Variants in ANK3 observed in about 807,000 individuals in gnomAD.
ANK3 encodes the protein ankyrin-3.
Under a neutral mutation model 370.9 loss-of-function variants are expected in ANK3, and 57 were observed. The observed-to-expected ratio is 0.15, with a 90% CI of 0.12 to 0.19. ANK3 has a LOEUF of 0.19. ANK3 is among the 10% of genes least tolerant of loss of function. The pLI is 1.00. For missense variants in ANK3, 4,439 were observed against 5,302.1 expected (o/e 0.84, Z 5.06); for synonymous variants, 1,929 against 1,946.3 (o/e 0.99, Z 0.23).
At chr10:60,110,986 C>G (rs1352530520) in intron 26 of ANK3, among the ~76,000 whole-genome samples, 1 of 152,096 alleles carries the variant, frequency 6.6e-6, no homozygotes, top group Non-Finnish European at 1.5e-5. Context: ...CACTGATTGA[C>G]CTGCAGAGCC....
chr10:60,072,610 G>A lies in ANK3; in HGVS notation c.8271C>T (p.Pro2757=), dbSNP rs750282724. ...PVKKIQESKL[P]VYQVFAREKQ... The stretch of plus-strand genomic sequence containing the variant: ...TTTCTCTAGCAAAAACTTGGTAGAC[G>A]GGTAGCTTGCTCTCCTGTATTTTTT... Residue 2757 remains proline, a synonymous_variant, in exon 37 of 44, where the codon CCC becomes CCT. Transcript: ENST00000280772. 2.3e-5 allele frequency: 37 copies of A among 1,613,972 alleles called. No individual in the cohort carries two copies. In the African/African-American group the frequency reaches 2.4e-4, roughly 10 times the overall value.
chr10:60,279,471 T>G (rs1490970850), intron 2 of ANK3, 67 bp downstream of exon 2: 1 of 1,259,516 alleles, frequency 7.9e-7, no homozygotes, highest in African/African-American at 1.5e-5. Context: ...AAATGAAGTC[T>G]TTAAGGAGCT....
At chr10:60,500,990 C>T (rs1235365177) in intron 2 of ANK3, among the ~76,000 whole-genome samples, 1 of 152,100 alleles carries the variant, frequency 6.6e-6, no homozygotes, top group African/African-American at 2.4e-5. Flanking sequence ...AAATATTCTG[C>T]CTTCCAAGTC....
chr10:60,339,191 T>A (rs554166469), intron 1 of ANK3, among the ~76,000 whole-genome samples: 23 of 152,162 alleles, frequency 1.5e-4, no homozygotes, highest in Admixed American at 1.4e-3. Flanking sequence ...TCCACTAACA[T>A]CTGTGGGAGT....
At chr10:60,580,772 A>C (rs1215176267) in intron 2 of ANK3, among the ~76,000 whole-genome samples, 1 of 152,204 alleles carries the variant, frequency 6.6e-6, no homozygotes. Flanking sequence ...AATGTCCCCA[A>C]ATAACTGAAA....
intron 7 of ANK3, among the ~76,000 whole-genome samples, chr10:60,245,204 G>A (rs1348619485): frequency 6.6e-6 from 1 of 152,020 alleles, no homozygotes; most frequent in Non-Finnish European, 1.5e-5. Context: ...AGTCATATAG[G>A]TTTTGATACA....
chr10:60,328,832 A>G (rs1052923287), intron 1 of ANK3, among the ~76,000 whole-genome samples: 2 of 152,230 alleles, frequency 1.3e-5, no homozygotes, highest in African/African-American at 4.8e-5. Flanking sequence ...AACAACAAAA[A>G]AAGAAAATTT....
chr10:60,526,939 G>C (rs937973462), intron 2 of ANK3, among the ~76,000 whole-genome samples: 2 of 152,004 alleles, frequency 1.3e-5, no homozygotes, highest in Non-Finnish European at 2.9e-5. Context: ...GTCATTTTCT[G>C]AATATATGTA....
intron 1 of ANK3, among the ~76,000 whole-genome samples, chr10:60,676,803 A>G (rs549703057): frequency 6.6e-6 from 1 of 152,312 alleles, no homozygotes; most frequent in South Asian, 2.1e-4. Context: ...TACGGTTAGA[A>G]GGATAAGTGC....
Position 60,260,313 on chromosome 10 carries a change from G to A in ANK3, c.798+1546C>T, listed in dbSNP as rs534932588. Among the ~76,000 whole-genome samples the A allele has an allele frequency of 1.5e-3, 234 of 152,142 alleles. 1 individual carries two copies. Among genetic ancestry groups the A allele is most frequent in the Middle Eastern group, 6.8e-3 (2 of 294 alleles). On this transcript the variant is annotated intron_variant, in intron 7 of 43. Coordinates refer to ENST00000280772, the MANE Select transcript of ANK3 (RefSeq NM_020987.5). ...TGTACCTTTCCTTATATTAGTATAC[G>A]TGAGATAAAATGCATAGCCTGGCAT...
chr10:60,244,958 A>G (rs1001936510), intron 7 of ANK3, among the ~76,000 whole-genome samples: 5 of 152,250 alleles, frequency 3.3e-5, no homozygotes, highest in African/African-American at 9.6e-5. Flanking sequence ...TCATGAGGTC[A>G]GGAGATCGAG....
At chr10:60,573,034 TC>T (rs1164277667) in intron 2 of ANK3, 4 of 986,678 alleles carry the variant, frequency 4.1e-6, no homozygotes, top group Non-Finnish European at 4.8e-6. Context: ...TAAATTGCTC[TC>T]CGTGCTGCTA....
rs375051707 is a variant in ANK3, at chr10:60,139,071, G to A, written c.2631C>T (p.Thr877=). The change falls in exon 24 of 44, where the codon ACC becomes ACT. Residue 877 remains threonine (T), a synonymous_variant. Transcript: ENST00000280772. The part of the protein sequence containing the change: ...SDVEEGEDAM[T]GDTDKYLGPQ... ...GCCCAAGATATTTGTCTGTGTCCCC[G>A]GTCATTGCATCTTCACCTGCAGATG... 13 of 1,613,310 alleles carry A rather than the reference G, an allele frequency of 8.1e-6. 1 individual carries two copies. Among genetic ancestry groups the A allele is most frequent in the Admixed American group, 5.0e-5 (3 of 59,910 alleles).
intron 1 of ANK3, among the ~76,000 whole-genome samples, chr10:60,330,433 C>T (rs1049689188): frequency 6.6e-6 from 1 of 152,002 alleles, no homozygotes; most frequent in Admixed American, 6.6e-5. Context: ...AACAAACTTA[C>T]AAGAAAATAA....
intron 1 of ANK3, among the ~76,000 whole-genome samples, chr10:60,692,515 T>C (rs2079370289): frequency 6.6e-6 from 1 of 152,226 alleles, no homozygotes; most frequent in African/African-American, 2.4e-5. Context: ...TATGGAAGTG[T>C]CACACATTCT....
chr10:60,075,455 G>A lies in ANK3; in HGVS notation c.5426C>T (p.Ser1809Phe). 1.9e-6 allele frequency: 3 copies of A among 1,612,578 alleles called. No individual in the cohort carries two copies. Among genetic ancestry groups the A allele is most frequent in the Non-Finnish European group, 8.5e-7 (1 of 1,179,982 alleles). ...ALYTSLGSSISATTSSVTSSI... is the reference protein window; with the variant it reads ...ALYTSLGSSIFATTSSVTSSI... ...TGAAGTTACAGATGAGGTAGTTGCAGATATTGACGACCCAAGGGATGTATA... is the reference window on the plus strand; with the variant it reads ...TGAAGTTACAGATGAGGTAGTTGCAAATATTGACGACCCAAGGGATGTATA... Residue 1809 changes from serine to phenylalanine, a missense_variant, in exon 37 of 44, where the codon TCT becomes TTT. Coordinates refer to ENST00000280772, the MANE Select transcript of ANK3 (RefSeq NM_020987.5).
intron 23 of ANK3, among the ~76,000 whole-genome samples, chr10:60,155,567 T>C (rs1047753780): frequency 6.6e-6 from 1 of 152,200 alleles, no homozygotes; most frequent in Admixed American, 6.5e-5. Context: ...ATAGTTAATA[T>C]TGAATGTCAA....
intron 2 of ANK3, among the ~76,000 whole-genome samples, chr10:60,451,982 G>A (rs2064617362): frequency 6.6e-6 from 1 of 152,210 alleles, no homozygotes. Context: ...CCAGCACATG[G>A]ATGTGAGGCG....
intron 2 of ANK3, among the ~76,000 whole-genome samples, chr10:60,411,717 A>G (rs1323733018): frequency 6.6e-6 from 1 of 152,228 alleles, no homozygotes; most frequent in Non-Finnish European, 1.5e-5. Flanking sequence ...ATGGTCACTT[A>G]CTAGGAAAAT....
Sources: allele counts gnomAD v4.1 joint callset (sites outside exome capture counted in the v4.1 genomes callset), GRCh38; gene constraint gnomAD v4.1.1; transcripts MANE v1.5; gene names NCBI Gene and HGNC (gene_info 2026-07-23, HGNC 2026-07-21).